The following NEMP2 variants were observed in gnomAD, a reference collection of about 807,000 sequenced individuals.
The protein encoded by NEMP2 is UPF0571 transmembrane protein.
In NEMP2, 53 loss-of-function variants were observed where a neutral mutation model predicts 54.2. The observed-to-expected ratio is 0.98, with a 90% CI of 0.78 to 1.23. NEMP2 has a LOEUF of 1.23. Ranked by LOEUF, NEMP2 falls within the 50% of genes most tolerant of loss-of-function variation. The pLI is 0.00. For missense variants in NEMP2, 455 were observed against 511.3 expected (o/e 0.89, Z 1.06); for synonymous variants, 197 against 190.3 (o/e 1.04, Z -0.29).
chr2:190,422,257 G>A, the NEMP2 span, among the ~76,000 whole-genome samples: 4 of 151,998 alleles, frequency 2.6e-5, no homozygotes, highest in African/African-American at 9.7e-5. Context: ...TTTTTCTGAC[G>A]GTCTCTCCTG....
the NEMP2 span, among the ~76,000 whole-genome samples, chr2:190,465,324 T>G: frequency 6.6e-6 from 1 of 152,192 alleles, no homozygotes; most frequent in Non-Finnish European, 1.5e-5. The surrounding 1 kb of genome is among the most constrained non-coding windows in gnomAD (Gnocchi z 4.6). Context: ...TCTTGTCTAT[T>G]TTTATTACTA....
the NEMP2 span, chr2:190,437,084 A>C: frequency 6.2e-7 from 1 of 1,614,164 alleles, no homozygotes; most frequent in Non-Finnish European, 8.5e-7. The surrounding 1 kb of genome is among the most constrained non-coding windows in gnomAD (Gnocchi z 5.9). Flanking sequence ...ACCCACATCG[A>C]AGTGCTCATC....
At chr2:190,571,443 C>T in the NEMP2 span, among the ~76,000 whole-genome samples, 6 of 151,620 alleles carry the variant, frequency 4.0e-5, no homozygotes, top group Non-Finnish European at 7.4e-5. Flanking sequence ...CTCTGGAGGC[C>T]GAGGCAGGAG....
At chr2:190,501,971 C>T (rs1690043319), downstream of NEMP2, 1 of 152,746 alleles carries the variant, frequency 6.5e-6, no homozygotes, top group South Asian at 2.1e-4. Flanking sequence ...AAGTCAAAAA[C>T]TTGTACTGTA....
upstream of NEMP2, among the ~76,000 whole-genome samples, chr2:190,539,636 A>T (rs1691483842): frequency 6.6e-6 from 1 of 152,056 alleles, no homozygotes; most frequent in African/African-American, 2.4e-5. The surrounding 1 kb of genome is among the most constrained non-coding windows in gnomAD (Gnocchi z 4.1). Context: ...TTTTCACTTC[A>T]TTGGTTAAAC....
At chr2:190,625,313 A>G in the NEMP2 span, 1 of 152,270 alleles carries the variant, frequency 6.6e-6, no homozygotes, top group Non-Finnish European at 1.5e-5. Flanking sequence ...ACTGAATGAA[A>G]GAATCCACAT....
At chr2:190,511,098 A>G (rs1028059603) in intron 7 of NEMP2, among the ~76,000 whole-genome samples, 1 of 152,194 alleles carries the variant, frequency 6.6e-6, no homozygotes, top group African/African-American at 2.4e-5. Context: ...TCTGATACAG[A>G]TGTTAATTGT....
chr2:190,585,777 T>C, the NEMP2 span, among the ~76,000 whole-genome samples: 1 of 152,208 alleles, frequency 6.6e-6, no homozygotes, highest in Non-Finnish European at 1.5e-5. The surrounding 1 kb of genome is among the most constrained non-coding windows in gnomAD (Gnocchi z 5.3). Context: ...GGGCTCAGGC[T>C]GAGGAGCAGT....
At chr2:190,579,989 G>T in the NEMP2 span, among the ~76,000 whole-genome samples, 1 of 152,182 alleles carries the variant, frequency 6.6e-6, no homozygotes, top group Admixed American at 6.5e-5. Flanking sequence ...TCCAAAGGCT[G>T]TTAAGACTTC....
the NEMP2 span, among the ~76,000 whole-genome samples, chr2:190,440,103 T>C: frequency 1.3e-5 from 2 of 152,220 alleles, no homozygotes; most frequent in Non-Finnish European, 2.9e-5. Flanking sequence ...TTTCAGTACT[T>C]TGTGGTTGTC....
chr2:190,502,658 A>G (rs189162383), downstream of NEMP2, among the ~76,000 whole-genome samples: 10 of 152,354 alleles, frequency 6.6e-5, no homozygotes, highest in Admixed American at 5.2e-4. The surrounding 1 kb of genome is among the most constrained non-coding windows in gnomAD (Gnocchi z 4.4). Flanking sequence ...GCTGGCTAAT[A>G]GCTTCCCTCT....
chr2:190,590,182 A>T, the NEMP2 span, among the ~76,000 whole-genome samples: 1 of 152,186 alleles, frequency 6.6e-6, no homozygotes, highest in Admixed American at 6.5e-5. The surrounding 1 kb of genome is among the most constrained non-coding windows in gnomAD (Gnocchi z 5.1). Flanking sequence ...TTGGGCATTG[A>T]CCCACCTGCA....
Position 190,516,352 on chromosome 2 carries a change from ACAAC to A in NEMP2, c.641_644del (p.Gly214ValfsTer12). 6.4e-7 allele frequency: 1 copy of A among 1,551,594 alleles called. No homozygotes were observed. On this transcript the variant is annotated frameshift_variant, in exon 6 of 9. Transcript: ENST00000409150. LOFTEE classifies it high-confidence loss of function. Reference sequence around the variant, plus strand: ...ATACAATATAAACTGAGGCAAACCAACAACCAACCATTAGAGCCCAAAAGGTGCT... The same window carrying A: ...ATACAATATAAACTGAGGCAAACCAACAACCATTAGAGCCCAAAAGGTGCT...
the NEMP2 span, among the ~76,000 whole-genome samples, chr2:190,557,868 G>A: frequency 6.6e-6 from 1 of 152,218 alleles, no homozygotes; most frequent in Non-Finnish European, 1.5e-5. Flanking sequence ...CTTTTACACT[G>A]TTGGTGGGAG....
chr2:190,591,214 T>C, the NEMP2 span, among the ~76,000 whole-genome samples: 1 of 152,186 alleles, frequency 6.6e-6, no homozygotes, highest in South Asian at 2.1e-4. This position sits in a 1 kb window ranked among gnomAD's most constrained non-coding sequence, Gnocchi z 5.4. Flanking sequence ...TGATGACTTA[T>C]AGGAGAGTGT....
chr2:190,534,487 C>G (rs1445152201), intron 1 of NEMP2, 72 bp downstream of exon 1: 1 of 1,299,332 alleles, frequency 7.7e-7, no homozygotes, highest in Non-Finnish European at 9.7e-7. Context: ...CCAAAGAGCG[C>G]GCCCTCAGGG....
chr2:190,510,480 G>A lies in NEMP2; in HGVS notation c.1011C>T (p.Asp337=), dbSNP rs751912336. 2.6e-5 allele frequency: 40 copies of A among 1,551,768 alleles called. No homozygotes were observed. The highest frequency in any genetic ancestry group is 1.7e-4 in the Middle Eastern group (1 of 6,018). The part of the protein sequence containing the change: ...KELVVKYLTE[D]EYREQADAET... ...CAGCATCAGCTTGCTCCCTGTACTC[G>A]TCTTCCGTAAGATATTTCACCACCA... is the stretch of plus-strand genomic sequence containing the variant. The change falls in exon 8 of 9, where the codon GAC becomes GAT. Residue 337 remains aspartate, a synonymous_variant. Coordinates refer to ENST00000409150, the MANE Select transcript of NEMP2 (RefSeq NM_001142645.2). This position sits in a 1 kb window ranked among gnomAD's most constrained non-coding sequence, Gnocchi z 5.7.
the NEMP2 span, chr2:190,616,725 T>G: frequency 6.6e-6 from 1 of 152,192 alleles, no homozygotes; most frequent in Admixed American, 6.5e-5. This position sits in a 1 kb window ranked among gnomAD's most constrained non-coding sequence, Gnocchi z 5.1. Flanking sequence ...CTCTAAGACT[T>G]GTTTCTCATA....
the NEMP2 span, chr2:190,646,644 G>A: frequency 1.3e-5 from 2 of 152,206 alleles, no homozygotes; most frequent in Admixed American, 1.3e-4. Context: ...AATGTGGGAA[G>A]AATACACTAT....
Sources: gnomAD v4.1 joint callset for allele counts (sites outside exome capture counted in the v4.1 genomes callset) on GRCh38, gnomAD v4.1.1 for gene constraint, Gnocchi (gnomAD v3.1) non-coding constraint, MANE v1.5 for transcripts, NCBI Gene and HGNC (gene_info 2026-07-23, HGNC 2026-07-21) for gene names.